Variants in LRBA observed in about 807,000 individuals in gnomAD.
LRBA encodes LPS responsive beige-like anchor protein.
A neutral mutation model predicts 330.0 loss-of-function variants in LRBA; 176 were observed. The observed-to-expected ratio is 0.53, with a 90% CI of 0.47 to 0.60. The LOEUF is 0.60. LRBA is among the 20% of genes least tolerant of loss of function. The probability of loss-of-function intolerance (pLI) is 0.00; values close to 1 mark genes in which losing one functional copy is unlikely to be tolerated. For synonymous variants in LRBA, 1,230 were observed against 1,193.0 expected (o/e 1.03, Z -0.64); for missense variants, 3,259 against 3,444.8 (o/e 0.95, Z 1.35).
rs183015393 is a variant in LRBA at position 150,426,168 on chromosome 4, C to T, written c.7041+9421G>A. On this transcript the variant is annotated intron_variant, in intron 46 of 56. Transcript: ENST00000651943. ...TTTAAATCAACTGCATATCTGAAAGCTTTCAAGTTGATATTTAAATTTAGT... is the reference window on the plus strand; with the variant it reads ...TTTAAATCAACTGCATATCTGAAAGTTTTCAAGTTGATATTTAAATTTAGT... 3.1e-3 allele frequency among the ~76,000 whole-genome samples: 475 copies of T among 152,036 alleles called. 1 individual carries two copies. Among genetic ancestry groups the T allele is most frequent in the African/African-American group, 0.011 (453 of 41,514 alleles).
In LRBA at chr4:150,415,594, T is replaced by C. The variant is rs776690737; in HGVS notation, c.7042-4A>G. On this transcript the variant is annotated splice_region_variant and splice_polypyrimidine_tract_variant and intron_variant, in intron 46 of 56. Transcript: ENST00000651943. ...AATAAAATTCAGGGATCAACTCCTA[T>C]ATAAAAATAAAAGACAATGTGATAT... The C allele has an allele frequency of 3.9e-6, 6 of 1,524,376 alleles. No homozygotes were observed. The highest frequency in any genetic ancestry group is 2.3e-5 in the South Asian group (2 of 88,048). The allele number at this position is 1,524,376 out of a possible 1,614,324, so 94.4% of individuals were successfully genotyped here. A position where few individuals can be genotyped will look rare whatever the true frequency, so the allele number is the denominator to read the frequency against.
intron 40 of LRBA, chr4:150,580,732 T>C (rs1411659997): frequency 2.0e-5 from 3 of 150,124 alleles, no homozygotes; most frequent in African/African-American, 7.5e-5. Context: ...AACAATGTTC[T>C]AGCTTTTTTT....
At chr4:150,804,672 G>A (rs1412208952) in intron 33 of LRBA, among the ~76,000 whole-genome samples, 1 of 152,050 alleles carries the variant, frequency 6.6e-6, no homozygotes, top group East Asian at 1.9e-4. Flanking sequence ...TTCAGTTTGA[G>A]GAGAATACAA....
intron 30 of LRBA, 52 bp downstream of exon 30, chr4:150,828,128 G>C: frequency 6.5e-7 from 1 of 1,546,028 alleles, no homozygotes; most frequent in Non-Finnish European, 8.9e-7. Flanking sequence ...CCCCCATGTT[G>C]TTCAAGGGTC....
rs528580208 is a variant in LRBA at position 150,770,382 on chromosome 4, T to C, written c.5581-8535A>G. Among the ~76,000 whole-genome samples, 4 of 152,214 alleles carry C rather than the reference T, an allele frequency of 2.6e-5. No homozygotes were observed. The South Asian group carries it at 6.2e-4, about 24-fold the overall frequency. On this transcript the variant is annotated intron_variant, in intron 34 of 56. Coordinates refer to ENST00000651943, the MANE Select transcript of LRBA (RefSeq NM_001364905.1). ...TCTGGAGAACCCTAATATAAACCCA[T>C]TCCCCACCTTAGCTGATATGTATAC... is the stretch of plus-strand genomic sequence containing the variant.
intron 40 of LRBA, among the ~76,000 whole-genome samples, chr4:150,558,957 A>T (rs1163915038): frequency 1.3e-5 from 2 of 152,170 alleles, no homozygotes; most frequent in African/African-American, 4.8e-5. Context: ...TAGACTAGCA[A>T]TATCAGACAA....
intron 36 of LRBA, among the ~76,000 whole-genome samples, chr4:150,691,378 T>C (rs1784126043): frequency 6.6e-6 from 1 of 152,016 alleles, no homozygotes; most frequent in Non-Finnish European, 1.5e-5. Flanking sequence ...ACAACCTAAT[T>C]AAAAATAATT....
At chr4:150,433,509 C>T (rs1304093475) in intron 46 of LRBA, among the ~76,000 whole-genome samples, 1 of 151,980 alleles carries the variant, frequency 6.6e-6, no homozygotes, top group Admixed American at 6.6e-5. Flanking sequence ...ACATAATATT[C>T]AAATTCATGA....
intron 30 of LRBA, among the ~76,000 whole-genome samples, chr4:150,825,834 T>C (rs1330714416): frequency 6.6e-6 from 1 of 152,144 alleles, no homozygotes; most frequent in African/African-American, 2.4e-5. Context: ...AAAAGTTGAA[T>C]TGCTTGATAT....
intron 22 of LRBA, among the ~76,000 whole-genome samples, chr4:150,861,681 AACT>A (rs2126959992): frequency 6.6e-6 from 1 of 152,332 alleles, no homozygotes; most frequent in East Asian, 1.9e-4. Flanking sequence ...TATTTTTAAA[AACT>A]ACTTTTCTTT....
At chr4:150,471,597 A>G (rs899330663) in intron 43 of LRBA, 27 bp downstream of exon 43, 3 of 1,237,612 alleles carry the variant, frequency 2.4e-6, no homozygotes, top group African/African-American at 3.0e-5. Context: ...ATTGTCTAAA[A>G]TAAATCAATA....
At chr4:150,274,890 T>G (rs1746562027) in intron 56 of LRBA, among the ~76,000 whole-genome samples, 1 of 152,064 alleles carries the variant, frequency 6.6e-6, no homozygotes, top group Non-Finnish European at 1.5e-5. Context: ...CTGAAACTAT[T>G]CCAATCAATA....
intron 37 of LRBA, among the ~76,000 whole-genome samples, chr4:150,662,991 C>A (rs1434598327): frequency 6.6e-6 from 1 of 151,806 alleles, no homozygotes; most frequent in African/African-American, 2.4e-5. Context: ...CAAAAAAAAA[C>A]AGATAAAATC....
At chr4:150,404,505 C>T (rs1014765832) in intron 47 of LRBA, among the ~76,000 whole-genome samples, 2 of 152,102 alleles carry the variant, frequency 1.3e-5, no homozygotes, top group African/African-American at 4.8e-5. Context: ...ATAAGAAGAA[C>T]ATGTGGCAGG....
intron 37 of LRBA, among the ~76,000 whole-genome samples, chr4:150,629,708 G>T (rs189608289): frequency 1.3e-5 from 2 of 151,886 alleles, no homozygotes; most frequent in Non-Finnish European, 2.9e-5. Context: ...GGTGGCTCAC[G>T]CCTGTAATCC....
chr4:150,884,211 C>A (rs1375217335), intron 17 of LRBA, among the ~76,000 whole-genome samples: 1 of 152,150 alleles, frequency 6.6e-6, no homozygotes, highest in African/African-American at 2.4e-5. Flanking sequence ...CTAAAAGTGG[C>A]AGACTTGGTT....
At chr4:150,905,686 G>C (rs564160085) in intron 13 of LRBA, 152 bp downstream of exon 13, 6 of 594,690 alleles carry the variant, frequency 1.0e-5, no homozygotes, top group Non-Finnish European at 1.7e-5. Flanking sequence ...TTTTCCTGAA[G>C]AGTAAAAAAG....
intron 44 of LRBA, among the ~76,000 whole-genome samples, chr4:150,439,389 G>T (rs1047031917): frequency 2.1e-4 from 32 of 152,158 alleles, no homozygotes; most frequent in African/African-American, 7.2e-4. Flanking sequence ...CCACAGTATT[G>T]ATTTTGGCTG....
chr4:150,378,137 A>G (rs1290211295), intron 47 of LRBA, among the ~76,000 whole-genome samples: 1 of 152,168 alleles, frequency 6.6e-6, no homozygotes, highest in East Asian at 1.9e-4. Flanking sequence ...GTAAATAGAT[A>G]TTTTACTAAT....
Sources: gnomAD v4.1 joint callset for allele counts (sites outside exome capture counted in the v4.1 genomes callset) on GRCh38, gnomAD v4.1.1 for gene constraint, MANE v1.5 for transcripts, NCBI Gene and HGNC (gene_info 2026-07-23, HGNC 2026-07-21) for gene names.